NAXD: variants seen among roughly 807,000 people sequenced by gnomAD.
The protein encoded by NAXD is ATP-dependent (S)-NAD(P)H-hydrate dehydratase.
In NAXD, 22 loss-of-function variants were observed where a neutral mutation model predicts 35.8. The ratio of observed to expected loss-of-function variants is 0.62; its 90% confidence interval spans 0.44 to 0.88. The LOEUF is 0.88. Ranked by LOEUF, NAXD falls within the 40% of genes least tolerant of loss-of-function variation. The pLI is 0.00. For synonymous variants in NAXD, 189 were observed against 177.6 expected (o/e 1.06, Z -0.51); for missense variants, 428 against 437.7 (o/e 0.98, Z 0.20).
intron 7 of NAXD, among the ~76,000 whole-genome samples, chr13:110,635,168 G>A (rs562152594): frequency 2.0e-5 from 3 of 152,286 alleles, no homozygotes; most frequent in Non-Finnish European, 2.9e-5. Flanking sequence ...TGCCCAGTAC[G>A]ACTGGAATTT....
chr13:110,626,456 C>T (rs559758537), intron 4 of NAXD, among the ~76,000 whole-genome samples: 8 of 149,534 alleles, frequency 5.3e-5, no homozygotes, highest in African/African-American at 9.8e-5. Flanking sequence ...ATCCAAGGGA[C>T]GTGGCTAGAG....
intron 5 of NAXD, among the ~76,000 whole-genome samples, chr13:110,630,230 T>C (rs1886652904): frequency 6.6e-6 from 1 of 152,076 alleles, no homozygotes; most frequent in Non-Finnish European, 1.5e-5. Context: ...GGTTTCACCA[T>C]GTTGGCCAGG....
intron 7 of NAXD, 30 bp from the exon 8 acceptor site, chr13:110,635,438 C>T (rs1196502513): frequency 3.1e-6 from 5 of 1,607,336 alleles, no homozygotes; most frequent in Admixed American, 3.3e-5. Flanking sequence ...GAAGACTTTG[C>T]TTTTTCTCTG....
rs1886016095 is a variant in NAXD at position 110,615,631 on chromosome 13, C to T, written c.30C>T (p.Ile10=). Residue 10 remains isoleucine (I), a synonymous_variant, in exon 1 of 10, where the codon ATC becomes ATT. Coordinates refer to ENST00000680254, the MANE Select transcript of NAXD (RefSeq NM_001242882.2). MALGPRCGA[I]RACRRVLERA... ...CCCTGGGTCCTCGCTGTGGGGCAAT[C>T]CGGGCTTGCAGACGAGGTAAGGTCG... 1.3e-6 allele frequency: 2 copies of T among 1,483,818 alleles called. No individual in the cohort carries two copies. Among genetic ancestry groups the T allele is most frequent in the Non-Finnish European group, 8.9e-7 (1 of 1,121,966 alleles). The allele number at this position is 1,483,818 out of a possible 1,614,324, so 91.9% of individuals were successfully genotyped here. A position where few individuals can be genotyped will look rare whatever the true frequency, so the allele number is the denominator to read the frequency against.
intron 4 of NAXD, among the ~76,000 whole-genome samples, chr13:110,626,172 G>C (rs1886473758): frequency 6.6e-6 from 1 of 152,250 alleles, no homozygotes; most frequent in African/African-American, 2.4e-5. Flanking sequence ...GGTCATAAAG[G>C]CTCCTACGCG....
intron 5 of NAXD, among the ~76,000 whole-genome samples, chr13:110,629,053 C>T (rs191513846): frequency 3.0e-4 from 46 of 152,354 alleles, no homozygotes; most frequent in Admixed American, 5.2e-4. Flanking sequence ...CTTGAGAGCC[C>T]TCAGGTCATC....
intron 5 of NAXD, among the ~76,000 whole-genome samples, chr13:110,632,328 T>C (rs949010853): frequency 6.6e-5 from 10 of 152,202 alleles, no homozygotes; most frequent in Admixed American, 1.3e-4. Flanking sequence ...ATAAAAGCAG[T>C]GTGGACCCAA....
In NAXD at chr13:110,624,370, A is replaced by G. The variant is rs1442442748; in HGVS notation, c.243+91A>G. 11 of 826,822 alleles carry G rather than the reference A, an allele frequency of 1.3e-5. No individual in the cohort carries two copies. The East Asian group carries it at 2.7e-4, about 20-fold the overall frequency. 51.2% of individuals were successfully genotyped at this position (826,822 alleles called of 1,614,324 possible). A position where few individuals can be genotyped will look rare whatever the true frequency, so the allele number is the denominator to read the frequency against. On this transcript the variant is annotated intron_variant, in intron 3 of 9. Coordinates refer to ENST00000680254, the MANE Select transcript of NAXD (RefSeq NM_001242882.2). ...TTAAAGCAAATGTTTTCTGATAGAA[A>G]TCTAAATAATATCTTAGGGTAATCA...
Position 110,615,593 on chromosome 13 carries a change from T to C in NAXD, c.-9T>C, listed in dbSNP as rs1027023821. 13 of 1,383,594 alleles carry C rather than the reference T, an allele frequency of 9.4e-6. No homozygotes were observed. Among genetic ancestry groups the C allele is most frequent in the Non-Finnish European group, 1.2e-5 (13 of 1,069,308 alleles). The allele number at this position is 1,383,594 out of a possible 1,614,324, so 85.7% of individuals were successfully genotyped here. ...CGCGGGGGCAGCTGGGAATCCGGAA[T>C]GCTGCCCGATGGCCCTGGGTCCTCG... On this transcript the variant is annotated 5_prime_UTR_variant, in exon 1 of 10. The change abolishes an upstream ATG in the 5' untranslated region. Transcript: ENST00000680254.
chr13:110,637,583 AACAG>A (rs1221038071), intron 9 of NAXD, among the ~76,000 whole-genome samples: 1 of 152,194 alleles, frequency 6.6e-6, no homozygotes, highest in South Asian at 2.1e-4. Flanking sequence ...TAAGATAGAA[AACAG>A]ACAGGGTCAA....
intron 4 of NAXD, 51 bp from the exon 5 acceptor site, chr13:110,627,388 A>G (rs1217054793): frequency 1.7e-6 from 2 of 1,152,398 alleles, no homozygotes; most frequent in African/African-American, 1.5e-5. Flanking sequence ...CATGACAGTA[A>G]GTAAATGAGG....
chr13:110,636,891 C>T (rs1033955539), intron 8 of NAXD, among the ~76,000 whole-genome samples: 1 of 152,304 alleles, frequency 6.6e-6, no homozygotes, highest in African/African-American at 2.4e-5. Context: ...TGCTACACAG[C>T]GGGGTCTGGG....
chr13:110,625,835 T>C (rs568315945), intron 4 of NAXD, among the ~76,000 whole-genome samples: 1 of 152,294 alleles, frequency 6.6e-6, no homozygotes, highest in Admixed American at 6.5e-5. Flanking sequence ...TTACTTTTCA[T>C]TGTGTGTGTT....
Position 110,638,126 on chromosome 13 carries a change from G to A in NAXD, c.840-252G>A, listed in dbSNP as rs781551706. ...TCCCCGGGAACACCTGGCCCACTGT[G>A]TGCCCTAGCCCTGGACCTGTCTCCG... On this transcript the variant is annotated intron_variant, in intron 9 of 9. Coordinates refer to ENST00000680254, the MANE Select transcript of NAXD (RefSeq NM_001242882.2). The surrounding 1 kb of genome is among the most constrained non-coding windows in gnomAD (Gnocchi z 5.4). The A allele has an allele frequency of 2.3e-5, 24 of 1,056,190 alleles. No homozygotes were observed. The highest frequency in any genetic ancestry group is 3.1e-5 in the Non-Finnish European group (22 of 716,970). The allele number at this position is 1,056,190 out of a possible 1,614,324, so 65.4% of individuals were successfully genotyped here.
chr13:110,633,383 G>C (rs533989306), intron 5 of NAXD, among the ~76,000 whole-genome samples: 27 of 152,328 alleles, frequency 1.8e-4, no homozygotes, highest in East Asian at 7.7e-4. Flanking sequence ...AAGCGCTGCA[G>C]GCAGCCCCAG....
rs1054104051 is a variant in NAXD, at chr13:110,639,513, C to G, written c.*985C>G. On this transcript the variant is annotated 3_prime_UTR_variant, in exon 10 of 10. Transcript: ENST00000680254. ...TCGCGTCCAGTAAAGACACTGGTAA[C>G]TGCGGTTTCAGCCAACACTCTTCAT... 1.3e-5 allele frequency: 2 copies of G among 152,236 alleles called. No individual in the cohort carries two copies. The highest frequency in any genetic ancestry group is 2.9e-5 in the Non-Finnish European group (2 of 68,060). The allele number at this position is 152,236 out of a possible 1,614,324, so 9.4% of individuals were successfully genotyped here. A position where few individuals can be genotyped will look rare whatever the true frequency, so the allele number is the denominator to read the frequency against.
chr13:110,634,792 C>G lies in NAXD; in HGVS notation c.597+16C>G. 6.3e-7 allele frequency: 1 copy of G among 1,591,158 alleles called. No homozygotes were observed. Among genetic ancestry groups the G allele is most frequent in the Non-Finnish European group, 8.6e-7 (1 of 1,160,108 alleles). The stretch of plus-strand genomic sequence containing the variant: ...TGACGCTGTGGTGAGTCAGTGGACC[C>G]CCTGGAGGGTAGATGCAAGCCCTGT... On this transcript the variant is annotated intron_variant, in intron 7 of 9. Transcript: ENST00000680254.
At chr13:110,634,834 G>A (rs1886860789) in intron 7 of NAXD, 58 bp downstream of exon 7, 1 of 1,296,796 alleles carries the variant, frequency 7.7e-7, no homozygotes, top group Non-Finnish European at 1.1e-6. Flanking sequence ...TGAAGAGGGT[G>A]AAGGACGAGC....
At chr13:110,615,870 G>A (rs1886031485) in intron 1 of NAXD, 1 of 1,089,830 alleles carries the variant, frequency 9.2e-7, no homozygotes. Context: ...TGGCCTGCGG[G>A]GCGGAGTAGG....
Sources: allele counts gnomAD v4.1 joint callset (sites outside exome capture counted in the v4.1 genomes callset), GRCh38; gene constraint gnomAD v4.1.1; non-coding constraint Gnocchi (gnomAD v3.1); transcripts MANE v1.5; gene names NCBI Gene and HGNC (gene_info 2026-07-23, HGNC 2026-07-21).